CCDC158: variants seen among roughly 807,000 people sequenced by gnomAD.
CCDC158 encodes the protein coiled-coil domain-containing protein 158.
In CCDC158, 116 loss-of-function variants were observed where a neutral mutation model predicts 138.6. The ratio of observed to expected loss-of-function variants is 0.84; its 90% CI spans 0.72 to 0.98. The LOEUF (loss-of-function observed/expected upper bound fraction) is 0.98. CCDC158 is among the 50% of genes least tolerant of loss of function. The pLI is 0.00. For missense variants in CCDC158, 1,265 were observed against 1,306.1 expected (o/e 0.97, Z 0.48); for synonymous variants, 436 against 442.4 (o/e 0.99, Z 0.18).
intron 4 of CCDC158, among the ~76,000 whole-genome samples, chr4:76,388,568 T>C (rs868533526): frequency 6.6e-6 from 1 of 152,116 alleles, no homozygotes; most frequent in Non-Finnish European, 1.5e-5. Context: ...TTAGCCGCAG[T>C]AGAAAAGAAC....
intron 24 of CCDC158, among the ~76,000 whole-genome samples, chr4:76,319,408 G>A (rs1426525944): frequency 1.7e-5 from 2 of 116,792 alleles, no homozygotes; most frequent in African/African-American, 3.3e-5. Context: ...GCTCCAGCCT[G>A]GGTGACAGAG....
intron 18 of CCDC158, among the ~76,000 whole-genome samples, chr4:76,340,233 G>C (rs1006681176): frequency 5.3e-5 from 8 of 152,270 alleles, no homozygotes; most frequent in African/African-American, 1.9e-4. Flanking sequence ...AAAATTATCA[G>C]AGATTTTGAA....
chr4:76,382,073 G>A (rs1009924996), intron 8 of CCDC158, among the ~76,000 whole-genome samples: 5 of 152,190 alleles, frequency 3.3e-5, no homozygotes, highest in African/African-American at 1.2e-4. Flanking sequence ...GGGGCCTTGT[G>A]GGAGGTAACT....
intron 9 of CCDC158, among the ~76,000 whole-genome samples, chr4:76,373,170 G>T (rs1335274161): frequency 6.6e-6 from 1 of 152,170 alleles, no homozygotes; most frequent in African/African-American, 2.4e-5. Context: ...TTATGTCTAG[G>T]TTCAGCGTAT....
In CCDC158 at chr4:76,332,591, T is replaced by C. The variant is rs891184870; in HGVS notation, c.2823-100A>G. 1.6e-5 allele frequency: 15 copies of C among 918,802 alleles called. No homozygotes were observed. In the African/African-American group the frequency reaches 2.3e-4, roughly 14 times the overall value. 56.9% of individuals were successfully genotyped at this position (918,802 alleles called of 1,614,324 possible). On this transcript the variant is annotated intron_variant, in intron 19 of 24. Transcript: ENST00000682701. ...TGCTTACATATATTCAATTTTTCTTTTAGTGACAGCTGTAGATTTTAGGCC... is the reference window on the plus strand; with the variant it reads ...TGCTTACATATATTCAATTTTTCTTCTAGTGACAGCTGTAGATTTTAGGCC...
intron 12 of CCDC158, among the ~76,000 whole-genome samples, chr4:76,363,295 T>C (rs1194352802): frequency 6.6e-6 from 1 of 151,500 alleles, no homozygotes; most frequent in Non-Finnish European, 1.5e-5. Flanking sequence ...GGGGGTGGAG[T>C]AGGAAGTAAG....
intron 21 of CCDC158, 102 bp from the exon 22 acceptor site, chr4:76,329,069 A>T: frequency 1.1e-6 from 1 of 893,330 alleles, no homozygotes; most frequent in Non-Finnish European, 1.8e-6. Context: ...GATGGTTTAA[A>T]ATATAACCTC....
chr4:76,371,393 T>A lies in CCDC158; in HGVS notation c.1149+24A>T, dbSNP rs780819938. The A allele has an allele frequency of 1.2e-5, 19 of 1,610,014 alleles. No homozygotes were observed. The South Asian group carries it at 1.9e-4, about 16-fold the overall frequency. On this transcript the variant is annotated intron_variant, in intron 10 of 24. Transcript: ENST00000682701. Reference sequence around the variant, plus strand: ...AAAAACTTCCCAGAATTAGTCTTATTCATATTTTAAAGCATAATCTTACCA... The same window carrying A: ...AAAAACTTCCCAGAATTAGTCTTATACATATTTTAAAGCATAATCTTACCA...
At chr4:76,359,227 A>G (rs1274782083) in intron 13 of CCDC158, among the ~76,000 whole-genome samples, 1 of 152,188 alleles carries the variant, frequency 6.6e-6, no homozygotes, top group African/African-American at 2.4e-5. Flanking sequence ...CTGTGAGTCA[A>G]TTAAACCTCT....
intron 18 of CCDC158, among the ~76,000 whole-genome samples, chr4:76,336,957 G>A (rs935117582): frequency 6.6e-6 from 1 of 152,154 alleles, no homozygotes; most frequent in Middle Eastern, 3.4e-3. Flanking sequence ...TTGTATTTTT[G>A]GGTATTCACT....
chr4:76,391,899 T>A (rs1037829120), intron 4 of CCDC158, among the ~76,000 whole-genome samples: 2 of 151,922 alleles, frequency 1.3e-5, no homozygotes, highest in Non-Finnish European at 2.9e-5. Flanking sequence ...TACATGCCAA[T>A]GAACTGGAAA....
At chr4:76,367,859 C>G in intron 11 of CCDC158, 83 bp from the exon 12 acceptor site, 2 of 1,310,340 alleles carry the variant, frequency 1.5e-6, no homozygotes, top group Non-Finnish European at 2.1e-6. Context: ...AACTTAAAAG[C>G]ATGAAATCAT....
At chr4:76,420,275 C>T (rs1730010760) in intron 1 of CCDC158, among the ~76,000 whole-genome samples, 1 of 152,138 alleles carries the variant, frequency 6.6e-6, no homozygotes, top group South Asian at 2.1e-4. Context: ...TACCCGGCCA[C>T]AACGCCTTAA....
Position 76,367,488 on chromosome 4 carries a change from C to T in CCDC158, c.1636G>A (p.Val546Met). 1 of 1,614,236 alleles carries T rather than the reference C, an allele frequency of 6.2e-7. No homozygotes were observed. ...LKNEGDHLRN[V>M]QTECEALKLQ... ...TTGAGGGCCTCACATTCTGTCTGCACATTTCTGAGATGATCCCCTTCATTT... is the reference window on the plus strand; with the variant it reads ...TTGAGGGCCTCACATTCTGTCTGCATATTTCTGAGATGATCCCCTTCATTT... The change falls in exon 12 of 25, where the codon GTG becomes ATG. Residue 546 changes from valine to methionine, a missense_variant. Physicochemically the swap from Val to Met is conservative, Grantham distance 21. Transcript: ENST00000682701.
chr4:76,375,680 G>A (rs958393905), intron 9 of CCDC158: 12 of 697,726 alleles, frequency 1.7e-5, no homozygotes, highest in East Asian at 1.1e-4. Flanking sequence ...GTCCAAATTC[G>A]TAAAGGGGAA....
chr4:76,328,227 T>C (rs1478677852), intron 22 of CCDC158, among the ~76,000 whole-genome samples: 1 of 152,230 alleles, frequency 6.6e-6, no homozygotes, highest in African/African-American at 2.4e-5. Flanking sequence ...TTGATTCTTC[T>C]GCTTTTCCTT....
chr4:76,392,909 T>TA (rs147178670), intron 4 of CCDC158, among the ~76,000 whole-genome samples: 4,466 of 151,686 alleles, frequency 0.029, 219 homozygotes, highest in African/African-American at 0.1. Flanking sequence ...TAAAATGAAA[T>TA]ACTAGGAATT....
chr4:76,316,898 G>GAAA (rs1368052517), intron 24 of CCDC158, among the ~76,000 whole-genome samples: 1 of 12,846 alleles, frequency 7.8e-5, no homozygotes, highest in Non-Finnish European at 1.7e-4. Flanking sequence ...GTCTTTTGCA[G>GAAA]ACAAAAAAAA....
intron 4 of CCDC158, among the ~76,000 whole-genome samples, chr4:76,390,665 G>A (rs1176576466): frequency 1.3e-5 from 2 of 151,906 alleles, no homozygotes; most frequent in South Asian, 2.1e-4. Context: ...GGACTAAATT[G>A]TCTAATCAAA....
Sources: gnomAD v4.1 joint callset for allele counts (sites outside exome capture counted in the v4.1 genomes callset) on GRCh38, gnomAD v4.1.1 for gene constraint, MANE v1.5 for transcripts, NCBI Gene and HGNC (gene_info 2026-07-23, HGNC 2026-07-21) for gene names.